Variants in SETD5 observed in about 807,000 individuals in gnomAD.
The protein encoded by SETD5 is histone-lysine N-methyltransferase SETD5.
Under a neutral mutation model 153.3 loss-of-function variants are expected in SETD5, and 44 were observed. The observed-to-expected ratio is 0.29, with a 90% CI of 0.23 to 0.37. SETD5 has a LOEUF of 0.37. Ranked by LOEUF, SETD5 falls within the 10% of genes least tolerant of loss-of-function variation. SETD5 has a pLI of 1.00. For synonymous variants in SETD5, 716 were observed against 645.2 expected (o/e 1.11, Z -1.66); for missense variants, 1,544 against 1,768.0 (o/e 0.87, Z 2.27).
Position 9,445,757 on chromosome 3 carries a change from A to G in SETD5, c.1524+17A>G. The G allele has an allele frequency of 2.5e-6, 4 of 1,579,892 alleles. No individual in the cohort carries two copies. The highest frequency in any genetic ancestry group is 1.7e-4 in the Middle Eastern group (1 of 5,910). Reference sequence around the variant, plus strand: ...AGCAGGAGGGTGAGTACTGTCTGACATTACTTTGCTCCTTCTCATTCCTGC... The same window carrying G: ...AGCAGGAGGGTGAGTACTGTCTGACGTTACTTTGCTCCTTCTCATTCCTGC... On this transcript the variant is annotated intron_variant, in intron 13 of 22. Coordinates refer to ENST00000402198, the MANE Select transcript of SETD5 (RefSeq NM_001080517.3).
At position 9,423,714 on chromosome 3, in the gene SETD5, G is replaced by A. The variant is rs115506611; in HGVS notation, c.-176-753G>A. Among the ~76,000 whole-genome samples, 1,302 of 152,104 alleles carry A rather than the reference G, an allele frequency of 8.6e-3. 9 individuals are homozygous for A. Among genetic ancestry groups the A allele is most frequent in the Non-Finnish European group, 0.014 (967 of 67,996 alleles). On this transcript the variant is annotated intron_variant, in intron 1 of 22. Transcript: ENST00000402198. ...ACATCAACATAAATGAAATGCATGC[G>A]TTCTAATGCTTGGTAACTGGAATCC...
intron 21 of SETD5, 104 bp from the exon 22 acceptor site, chr3:9,474,964 C>T: frequency 2.0e-6 from 2 of 982,582 alleles, no homozygotes; most frequent in Non-Finnish European, 3.0e-6. Flanking sequence ...ACAAAGAGAG[C>T]AGTACGGGTT....
At chr3:9,442,384 A>C in intron 10 of SETD5, 139 bp downstream of exon 10, 1 of 665,050 alleles carries the variant, frequency 1.5e-6, no homozygotes. Flanking sequence ...TGAAAAACAA[A>C]AGTAATGGTG....
chr3:9,447,591 T>C, intron 14 of SETD5, 95 bp from the exon 15 acceptor site: 1 of 1,333,698 alleles, frequency 7.5e-7, no homozygotes, highest in Non-Finnish European at 1.0e-6. Context: ...ATATTTTTCA[T>C]CAGTAGACAT....
chr3:9,409,340 A>G (rs964380846), intron 1 of SETD5, among the ~76,000 whole-genome samples: 3 of 152,154 alleles, frequency 2.0e-5, no homozygotes, highest in African/African-American at 7.2e-5. Context: ...CCCCTTATTT[A>G]CTAGTTTTCA....
intron 3 of SETD5, chr3:9,432,417 C>A: frequency 2.9e-6 from 1 of 344,590 alleles, no homozygotes; most frequent in Non-Finnish European, 4.1e-6. Context: ...TCCTGCTGTA[C>A]TATATATTGT....
intron 3 of SETD5, 199 bp downstream of exon 3, chr3:9,429,208 G>T: frequency 2.9e-6 from 1 of 349,996 alleles, no homozygotes; most frequent in Non-Finnish European, 5.2e-6. Context: ...GTTTTCAGAG[G>T]GGTATTTCTG....
At position 9,429,019 on chromosome 3, in the gene SETD5, A is replaced by C; in HGVS notation, c.71+10A>C. ...TGGCTGCTGGATCAGAGTAAGTGCT[A>C]CTTTCTAGGTAGTAGGTACATTATC... On this transcript the variant is annotated intron_variant, in intron 3 of 22. Transcript: ENST00000402198. 1 of 1,604,298 alleles carries C rather than the reference A, an allele frequency of 6.2e-7. No homozygotes were observed. The highest frequency in any genetic ancestry group is 1.1e-5 in the South Asian group (1 of 90,372).
intron 19 of SETD5, among the ~76,000 whole-genome samples, chr3:9,472,072 A>T (rs1188469410): frequency 6.6e-6 from 1 of 152,248 alleles, no homozygotes; most frequent in Non-Finnish European, 1.5e-5. Context: ...GATTTCGAAG[A>T]TTGTTGCGTG....
intron 1 of SETD5, among the ~76,000 whole-genome samples, chr3:9,401,684 A>G (rs182451229): frequency 9.8e-5 from 15 of 152,352 alleles, no homozygotes; most frequent in Admixed American, 4.6e-4. Context: ...GTCAATGACT[A>G]TTGGATACAT....
chr3:9,447,921 C>T lies in SETD5; in HGVS notation c.2018C>T (p.Pro673Leu). Residue 673 changes from proline to leucine, a missense_variant, in exon 15 of 23, where the codon CCA becomes CTA. Coordinates refer to ENST00000402198, the MANE Select transcript of SETD5 (RefSeq NM_001080517.3). Reference sequence around the variant, plus strand: ...CTAGACAGTTCAGGAGAAAACAGGCCATTAACAGGGTCTGACCCAACTGTG... The same window carrying T: ...CTAGACAGTTCAGGAGAAAACAGGCTATTAACAGGGTCTGACCCAACTGTG... ...GSLDSSGENRPLTGSDPTVVS... is the reference protein window; with the variant it reads ...GSLDSSGENRLLTGSDPTVVS... The T allele has an allele frequency of 6.2e-7, 1 of 1,613,928 alleles. No homozygotes were observed.
intron 2 of SETD5, among the ~76,000 whole-genome samples, chr3:9,426,884 G>A (rs1665048034): frequency 6.6e-6 from 1 of 151,932 alleles, no homozygotes; most frequent in Admixed American, 6.6e-5. Flanking sequence ...TTGGGTGTAG[G>A]AACAGGCGTA....
intron 18 of SETD5, among the ~76,000 whole-genome samples, chr3:9,468,966 G>T (rs568725984): frequency 3.3e-5 from 5 of 152,130 alleles, no homozygotes; most frequent in Non-Finnish European, 7.4e-5. Flanking sequence ...GTCAAAAGTT[G>T]TAAGAGCTGT....
intron 1 of SETD5, among the ~76,000 whole-genome samples, chr3:9,400,985 C>CT (rs566184839): frequency 5.3e-5 from 8 of 152,280 alleles, no homozygotes; most frequent in Non-Finnish European, 8.8e-5. Context: ...GTATCCTATA[C>CT]TTTTTTCTCT....
intron 1 of SETD5, among the ~76,000 whole-genome samples, chr3:9,408,240 G>A (rs1029692408): frequency 2.0e-5 from 3 of 152,134 alleles, no homozygotes; most frequent in African/African-American, 7.2e-5. Flanking sequence ...GGAGTCTCCT[G>A]TGCTGCGATT....
At position 9,470,627 on chromosome 3, in the gene SETD5, G is replaced by A; in HGVS notation, c.2893G>A (p.Gly965Arg). 6.2e-7 allele frequency: 1 copy of A among 1,613,952 alleles called. No individual in the cohort carries two copies. Among genetic ancestry groups the A allele is most frequent in the East Asian group, 2.2e-5 (1 of 44,874 alleles). The change falls in exon 19 of 23, where the codon GGA becomes AGA. Residue 965 changes from glycine (G) to arginine (R), a missense_variant. Physicochemically the swap from Gly to Arg is moderately radical, Grantham distance 125. Transcript: ENST00000402198. ...ETGFPSRSGD[G>R]HQTLVRNSDQ... ...TGGTTTCCCAAGCAGAAGTGGAGATGGACATCAGACCCTCGTGAGAAACTC... is the reference window on the plus strand; with the variant it reads ...TGGTTTCCCAAGCAGAAGTGGAGATAGACATCAGACCCTCGTGAGAAACTC...
chr3:9,428,863 C>A lies in SETD5; in HGVS notation c.-76C>A. On this transcript the variant is annotated 5_prime_UTR_variant, in exon 3 of 23. Coordinates refer to ENST00000402198, the MANE Select transcript of SETD5 (RefSeq NM_001080517.3). The stretch of plus-strand genomic sequence containing the variant: ...TAACATGTTGGATGAGGCTCTGCAG[C>A]TCACCCCCACTCTCAGAGTGGTCAG... 9.8e-7 allele frequency: 1 copy of A among 1,021,926 alleles called. No homozygotes were observed. Among genetic ancestry groups the A allele is most frequent in the Non-Finnish European group, 1.5e-6 (1 of 675,510 alleles). The allele number at this position is 1,021,926 out of a possible 1,614,324, so 63.3% of individuals were successfully genotyped here.
At position 9,431,612 on chromosome 3, in the gene SETD5, A is replaced by C. The variant is rs911131600; in HGVS notation, c.72-2233A>C. On this transcript the variant is annotated intron_variant, in intron 3 of 22. Coordinates refer to ENST00000402198, the MANE Select transcript of SETD5 (RefSeq NM_001080517.3). Reference sequence around the variant, plus strand: ...AGTTTAAATTTTATATTTGGCATGCACAGCAATATATTAAATGCTGTGCTT... The same window carrying C: ...AGTTTAAATTTTATATTTGGCATGCCCAGCAATATATTAAATGCTGTGCTT... 6 of 985,656 alleles carry C rather than the reference A, an allele frequency of 6.1e-6. No individual in the cohort carries two copies. In the South Asian group the frequency reaches 1.9e-4, roughly 31 times the overall value. 61.1% of individuals were successfully genotyped at this position (985,656 alleles called of 1,614,324 possible).
chr3:9,437,355 A>T (rs2040695060), intron 7 of SETD5, among the ~76,000 whole-genome samples: 1 of 152,306 alleles, frequency 6.6e-6, no homozygotes, highest in East Asian at 1.9e-4. Context: ...TAATGCTAGC[A>T]TGTTTCTTAA....
Sources: gnomAD v4.1 joint callset for allele counts (sites outside exome capture counted in the v4.1 genomes callset) on GRCh38, gnomAD v4.1.1 for gene constraint, MANE v1.5 for transcripts, NCBI Gene and HGNC (gene_info 2026-07-23, HGNC 2026-07-21) for gene names.